NEURL1B: variants seen among roughly 807,000 people sequenced by gnomAD.
NEURL1B encodes the protein E3 ubiquitin-protein ligase NEURL1B.
NEURL1B carries 13 observed loss-of-function variants against 37.4 expected under a neutral mutation model. The ratio of observed to expected loss-of-function variants is 0.35; its 90% CI spans 0.23 to 0.55. NEURL1B has a LOEUF of 0.55. Ranked by LOEUF, NEURL1B falls within the 20% of genes least tolerant of loss-of-function variation. The probability of loss-of-function intolerance (pLI) is 0.89; values close to 1 mark genes in which losing one functional copy is unlikely to be tolerated. For missense variants in NEURL1B, 790 were observed against 879.2 expected, an observed-to-expected ratio of 0.90 and a Z score of 1.28; for synonymous variants, 432 against 426.6, an observed-to-expected ratio of 1.01 and a Z score of -0.16.
intron 2 of NEURL1B, among the ~76,000 whole-genome samples, chr5:172,674,807 T>C (rs1758199329): frequency 6.6e-6 from 1 of 152,142 alleles, no homozygotes; most frequent in Admixed American, 6.5e-5. Context: ...ACTTTTTCGC[T>C]TCATCCCCAA....
chr5:172,665,098 G>A lies in NEURL1B; in HGVS notation c.32-4687G>A, dbSNP rs543730691. On this transcript the variant is annotated intron_variant, in intron 1 of 4. Coordinates refer to ENST00000369800, the MANE Select transcript of NEURL1B (RefSeq NM_001142651.3). This position sits in a 1 kb window ranked among gnomAD's most constrained non-coding sequence, Gnocchi z 4.1. ...AACTCTCTGACTGAGAGATGAGGTC[G>A]GAAAACAACAGTGATGGGGAGGGGA... is the stretch of plus-strand genomic sequence containing the variant. Among the ~76,000 whole-genome samples, 5 of 152,280 alleles carry A rather than the reference G, an allele frequency of 3.3e-5. No homozygotes were observed. Among genetic ancestry groups the A allele is most frequent in the African/African-American group, 9.6e-5 (4 of 41,560 alleles).
At chr5:172,656,574 G>A in intron 1 of NEURL1B, 1 of 1,611,058 alleles carries the variant, frequency 6.2e-7, no homozygotes, top group African/African-American at 1.3e-5. Context: ...CTTCCCCGCG[G>A]CCTTCGCTTT....
Position 172,679,153 on chromosome 5 carries a change from A to G in NEURL1B, c.578-4266A>G, listed in dbSNP as rs572268044. 9.8e-5 allele frequency among the ~76,000 whole-genome samples: 15 copies of G among 152,372 alleles called. No homozygotes were observed. The East Asian group carries it at 2.1e-3, about 22-fold the overall frequency. Reference sequence around the variant, plus strand: ...TGGGCTGCTCTCAGAGCTGAACGACAACAGCAGCATTGGGAGGCAGTATTG... The same window carrying G: ...TGGGCTGCTCTCAGAGCTGAACGACGACAGCAGCATTGGGAGGCAGTATTG... On this transcript the variant is annotated intron_variant, in intron 2 of 4. Transcript: ENST00000369800.
chr5:172,654,046 ATGTC>A, intron 1 of NEURL1B, among the ~76,000 whole-genome samples: 1 of 152,266 alleles, frequency 6.6e-6, no homozygotes, highest in East Asian at 1.9e-4. Context: ...AACTTCCTTC[ATGTC>A]TGTGGACTAG....
chr5:172,654,316 ACT>A (rs1757723121), intron 1 of NEURL1B, among the ~76,000 whole-genome samples: 1 of 152,110 alleles, frequency 6.6e-6, no homozygotes, highest in Non-Finnish European at 1.5e-5. Flanking sequence ...AATTTTCCTA[ACT>A]CTGCTTTTAC....
chr5:172,662,465 G>T (rs1175813724), intron 1 of NEURL1B, among the ~76,000 whole-genome samples: 1 of 152,174 alleles, frequency 6.6e-6, no homozygotes, highest in Non-Finnish European at 1.5e-5. Context: ...TTTCCCATGG[G>T]GAAGGGAAGG....
chr5:172,679,551 T>C (rs1239743034), intron 2 of NEURL1B, among the ~76,000 whole-genome samples: 1 of 152,212 alleles, frequency 6.6e-6, no homozygotes, highest in Admixed American at 6.5e-5. Flanking sequence ...GTGTCTGGCC[T>C]AGGCTGGCGC....
Position 172,647,609 on chromosome 5 carries a change from G to C in NEURL1B, c.31+6172G>C, listed in dbSNP as rs1757583304. ...CCCCTTGTCCTCGTCCTGAGCACCTGAGCCCCACCCTTATTGCAGGTGCAC... is the reference window on the plus strand; with the variant it reads ...CCCCTTGTCCTCGTCCTGAGCACCTCAGCCCCACCCTTATTGCAGGTGCAC... On this transcript the variant is annotated intron_variant, in intron 1 of 4. Transcript: ENST00000369800. This position sits in a 1 kb window ranked among gnomAD's most constrained non-coding sequence, Gnocchi z 4.2. Among the ~76,000 whole-genome samples the C allele has an allele frequency of 6.6e-6, 1 of 152,010 alleles. No homozygotes were observed. The highest frequency in any genetic ancestry group is 2.1e-4 in the South Asian group (1 of 4,818).
In NEURL1B at chr5:172,670,268, TG is replaced by T; in HGVS notation, c.518del (p.Gly173AlafsTer28). On this transcript the variant is annotated frameshift_variant, in exon 2 of 5. Coordinates refer to ENST00000369800, the MANE Select transcript of NEURL1B (RefSeq NM_001142651.3). LOFTEE classifies it high-confidence loss of function. ...EPVLFHCGVA[V>X]GGPLWALIDV... is the part of the protein sequence containing the mutation. ...GTGCTCTTCCACTGCGGCGTGGCCG[TG>T]GGCGGCCCGCTCTGGGCGCTCATTG... is the stretch of plus-strand genomic sequence containing the variant. 1 of 1,387,776 alleles carries T rather than the reference TG, an allele frequency of 7.2e-7. No individual in the cohort carries two copies. 86.0% of individuals were successfully genotyped at this position (1,387,776 alleles called of 1,614,324 possible). A position where few individuals can be genotyped will look rare whatever the true frequency, so the allele number is the denominator to read the frequency against.
chr5:172,658,125 A>T, intron 1 of NEURL1B, among the ~76,000 whole-genome samples: 1 of 151,292 alleles, frequency 6.6e-6, no homozygotes, highest in Non-Finnish European at 1.5e-5. Context: ...CAGTGCACCC[A>T]GCCTTTCGGG....
intron 2 of NEURL1B, among the ~76,000 whole-genome samples, chr5:172,681,625 G>A (rs1308254527): frequency 1.3e-5 from 2 of 152,180 alleles, no homozygotes; most frequent in African/African-American, 4.8e-5. Flanking sequence ...GCCCATTGTG[G>A]CCAGGGCAGA....
chr5:172,641,524 C>A lies in NEURL1B; in HGVS notation c.31+87C>A, dbSNP rs2113243977. The A allele has an allele frequency of 5.3e-6, 6 of 1,130,858 alleles. No homozygotes were observed. The highest frequency in any genetic ancestry group is 5.6e-6 in the Non-Finnish European group (5 of 891,596). 70.1% of individuals were successfully genotyped at this position (1,130,858 alleles called of 1,614,324 possible). A position where few individuals can be genotyped will look rare whatever the true frequency, so the allele number is the denominator to read the frequency against. ...TGGGTGACTCTGGAGAGCTACCCCA[C>A]GGCCCTTGGAGCCCTCGGCTCGCAG... On this transcript the variant is annotated intron_variant, in intron 1 of 4. Transcript: ENST00000369800. This position sits in a 1 kb window ranked among gnomAD's most constrained non-coding sequence, Gnocchi z 6.4.
rs139672079 is a variant in NEURL1B, at chr5:172,690,416, G to A, written c.*3491G>A. The A allele has an allele frequency of 1.3e-5, 2 of 152,232 alleles. No individual in the cohort carries two copies. The highest frequency in any genetic ancestry group is 4.8e-5 in the African/African-American group (2 of 41,450). 9.4% of individuals were successfully genotyped at this position (152,232 alleles called of 1,614,324 possible). On this transcript the variant is annotated 3_prime_UTR_variant, in exon 5 of 5. Transcript: ENST00000369800. ...TGTGCCAGCACGTAGTAGTTACTCAGTAGAGGTTTGCTGAGTAAACCAGAA... is the reference window on the plus strand; with the variant it reads ...TGTGCCAGCACGTAGTAGTTACTCAATAGAGGTTTGCTGAGTAAACCAGAA...
At chr5:172,644,861 C>T (rs1310597192) in intron 1 of NEURL1B, among the ~76,000 whole-genome samples, 7 of 152,094 alleles carry the variant, frequency 4.6e-5, no homozygotes, top group Non-Finnish European at 7.4e-5. Flanking sequence ...GGGAGGGCAG[C>T]GTTCCAGGAT....
chr5:172,677,764 C>T (rs1758267549), intron 2 of NEURL1B, among the ~76,000 whole-genome samples: 1 of 152,142 alleles, frequency 6.6e-6, no homozygotes, highest in Non-Finnish European at 1.5e-5. Flanking sequence ...CTTCCTCCGC[C>T]TCCACGGAAT....
At chr5:172,656,699 T>G in intron 1 of NEURL1B, 1 of 1,401,968 alleles carries the variant, frequency 7.1e-7, no homozygotes, top group Non-Finnish European at 1.0e-6. Flanking sequence ...TCTTGCCACC[T>G]TCGCGGCCGG....
chr5:172,659,274 T>A (rs1443001153), intron 1 of NEURL1B, among the ~76,000 whole-genome samples: 4 of 152,108 alleles, frequency 2.6e-5, no homozygotes, highest in Middle Eastern at 3.2e-3. Context: ...GTGGGTCTAT[T>A]GTGCCAAAAA....
At chr5:172,663,124 G>C (rs1038621538) in intron 1 of NEURL1B, among the ~76,000 whole-genome samples, 1 of 151,956 alleles carries the variant, frequency 6.6e-6, no homozygotes, top group African/African-American at 2.4e-5. Context: ...TGAGGTGGGA[G>C]AATCACTTGA....
At chr5:172,685,064 C>T (rs1429145899) in intron 3 of NEURL1B, among the ~76,000 whole-genome samples, 1 of 152,216 alleles carries the variant, frequency 6.6e-6, no homozygotes, top group African/African-American at 2.4e-5. Context: ...AAATGACTAT[C>T]CCAGGGTCAC....
Sources: allele counts gnomAD v4.1 joint callset (sites outside exome capture counted in the v4.1 genomes callset), GRCh38; gene constraint gnomAD v4.1.1; non-coding constraint Gnocchi (gnomAD v3.1); transcripts MANE v1.5; gene names NCBI Gene and HGNC (gene_info 2026-07-23, HGNC 2026-07-21).